The following IMPG1 variants were observed in gnomAD, a reference collection of about 807,000 sequenced individuals.
IMPG1 encodes interphotoreceptor matrix proteoglycan of 150 kDa.
In IMPG1, 85 loss-of-function variants were observed where a neutral mutation model predicts 92.0. The ratio of observed to expected loss-of-function variants is 0.92; its 90% CI spans 0.78 to 1.11. The LOEUF (loss-of-function observed/expected upper bound fraction) is 1.11, where lower values mean the gene tolerates loss of function less well. Ranked by LOEUF, IMPG1 falls within the 50% of genes least tolerant of loss-of-function variation. The pLI is 0.00. For synonymous variants in IMPG1, 367 were observed against 334.1 expected, an observed-to-expected ratio of 1.10 and a Z score of -1.08; for missense variants, 1,022 against 956.0, an observed-to-expected ratio of 1.07 and a Z score of -0.91.
intron 12 of IMPG1, among the ~76,000 whole-genome samples, chr6:75,966,772 A>C (rs746001039): frequency 9.2e-5 from 14 of 152,164 alleles, no homozygotes; most frequent in Non-Finnish European, 1.5e-4. Flanking sequence ...GAAGAAAGAC[A>C]AAAGAAAGCC....
intron 12 of IMPG1, among the ~76,000 whole-genome samples, chr6:75,971,391 C>T (rs1440604612): frequency 1.3e-5 from 2 of 151,662 alleles, no homozygotes; most frequent in African/African-American, 2.4e-5. Flanking sequence ...GTGGGTGCAG[C>T]GCACCAGCAT....
intron 14 of IMPG1, chr6:75,934,907 G>C (rs537437607): frequency 2.1e-4 from 100 of 468,814 alleles, no homozygotes; most frequent in African/African-American, 1.8e-3. Flanking sequence ...CTTTTGCGCT[G>C]TCCCATTTTA....
chr6:75,958,614 T>C (rs985023043), intron 12 of IMPG1, among the ~76,000 whole-genome samples: 4 of 151,420 alleles, frequency 2.6e-5, no homozygotes, highest in Non-Finnish European at 5.9e-5. Flanking sequence ...CTCTAATCTT[T>C]TATTCATTGA....
chr6:76,046,943 C>T (rs1352535667), intron 1 of IMPG1, among the ~76,000 whole-genome samples: 1 of 152,044 alleles, frequency 6.6e-6, no homozygotes, highest in South Asian at 2.1e-4. Flanking sequence ...AAAACCTGTA[C>T]CTACAAAAAT....
rs143644396 is a variant in IMPG1, at chr6:75,984,957, C to A, written c.1291+17961G>T. On this transcript the variant is annotated intron_variant, in intron 12 of 16. Transcript: ENST00000369950. Reference sequence around the variant, plus strand: ...CCAGAAGCCAAGCCAATGTTGGTGCCATGTTTGTACAGCCTGCAGAACGGC... The same window carrying A: ...CCAGAAGCCAAGCCAATGTTGGTGCAATGTTTGTACAGCCTGCAGAACGGC... Among the ~76,000 whole-genome samples, 861 of 152,248 alleles carry A rather than the reference C, an allele frequency of 5.7e-3. 9 individuals are homozygous for A. Among genetic ancestry groups the A allele is most frequent in the African/African-American group, 0.02 (813 of 41,532 alleles).
intron 12 of IMPG1, among the ~76,000 whole-genome samples, chr6:75,997,014 C>G (rs1009379533): frequency 2.6e-5 from 4 of 152,166 alleles, no homozygotes; most frequent in Non-Finnish European, 5.9e-5. Context: ...ATTTCCCAAA[C>G]TGAAATTCTG....
intron 12 of IMPG1, among the ~76,000 whole-genome samples, chr6:75,956,217 C>T (rs1485675988): frequency 6.6e-6 from 1 of 152,190 alleles, no homozygotes; most frequent in Non-Finnish European, 1.5e-5. Context: ...GTTGTGAATC[C>T]ATCCAGTCCT....
chr6:75,997,599 G>A (rs1452781828), intron 12 of IMPG1, among the ~76,000 whole-genome samples: 3 of 152,124 alleles, frequency 2.0e-5, no homozygotes, highest in African/African-American at 2.4e-5. Context: ...TGCCTTACAC[G>A]TGAGGCTGTC....
At chr6:75,926,241 A>G (rs1206842284) in intron 15 of IMPG1, among the ~76,000 whole-genome samples, 2 of 152,186 alleles carry the variant, frequency 1.3e-5, no homozygotes, top group African/African-American at 2.4e-5. Flanking sequence ...TGATTGCTCA[A>G]ATTATTAATC....
At chr6:75,958,669 C>T (rs930868238) in intron 12 of IMPG1, among the ~76,000 whole-genome samples, 5 of 151,910 alleles carry the variant, frequency 3.3e-5, no homozygotes, top group Non-Finnish European at 5.9e-5. Flanking sequence ...TTGACCGATT[C>T]GCCCATTAAT....
intron 1 of IMPG1, among the ~76,000 whole-genome samples, chr6:76,047,808 T>C (rs1783972070): frequency 6.6e-6 from 1 of 152,236 alleles, no homozygotes; most frequent in Non-Finnish European, 1.5e-5. Flanking sequence ...GCATCCATTA[T>C]TGCAACTCCT....
Position 75,931,081 on chromosome 6 carries a change from A to G in IMPG1, c.2115T>C (p.Thr705=), listed in dbSNP as rs1781661320. The change falls in exon 15 of 17, where the codon ACT becomes ACC. Residue 705 remains threonine (T), a synonymous_variant. Transcript: ENST00000369950. The part of the protein sequence containing the change: ...EFAQCVKNER[T]EEAECRCKPG... ...GTTTGCAGCGACACTCCGCTTCCTC[A>G]GTCCGTTCGTTCTTTACACATTGGG... is the stretch of plus-strand genomic sequence containing the variant. 6 of 1,614,076 alleles carry G rather than the reference A, an allele frequency of 3.7e-6. No homozygotes were observed. The Admixed American group carries it at 5.0e-5, about 13-fold the overall frequency.
At chr6:76,056,832 A>C (rs2127597026) in intron 1 of IMPG1, among the ~76,000 whole-genome samples, 1 of 152,254 alleles carries the variant, frequency 6.6e-6, no homozygotes, top group African/African-American at 2.4e-5. Context: ...AAAATTAACT[A>C]CTTGGGTCCT....
intron 12 of IMPG1, among the ~76,000 whole-genome samples, chr6:75,968,078 T>C (rs1291300326): frequency 2.0e-5 from 3 of 152,238 alleles, no homozygotes; most frequent in African/African-American, 7.2e-5. Flanking sequence ...GGAGTTGTTG[T>C]AGAAGCAATT....
At position 76,034,643 on chromosome 6, in the gene IMPG1, T is replaced by C; in HGVS notation, c.446A>G (p.Glu149Gly). 6.2e-7 allele frequency: 1 copy of C among 1,614,144 alleles called. No individual in the cohort carries two copies. The part of the protein sequence containing the change: ...DIGKNFSNSQ[E>G]HLDLLQQRIK... ...CACCTGCTGGAGAAGATCCAGGTGC[T>C]CCTGGGAATTGCTGAAGTTTTTTCC... is the stretch of plus-strand genomic sequence containing the variant. The change falls in exon 3 of 17, where the codon GAG (glutamate) becomes GGG (glycine). Residue 149 changes from glutamate (E) to glycine (G), a missense_variant. Glu to Gly is a moderately conservative substitution (Grantham distance 98, BLOSUM62 -2). Around this residue, in one of 3 missense-constraint regions of IMPG1, gnomAD observed 681 missense variants for 583.6 expected, o/e 1.17. Transcript: ENST00000369950.
At chr6:75,967,446 G>A (rs889051678) in intron 12 of IMPG1, among the ~76,000 whole-genome samples, 1 of 152,080 alleles carries the variant, frequency 6.6e-6, no homozygotes, top group African/African-American at 2.4e-5. Flanking sequence ...AAAGTAAAAA[G>A]GTGCCGTCTG....
At chr6:75,959,035 T>C (rs950182704) in intron 12 of IMPG1, among the ~76,000 whole-genome samples, 8 of 152,222 alleles carry the variant, frequency 5.3e-5, no homozygotes, top group African/African-American at 1.9e-4. Flanking sequence ...TGGTCTTCGA[T>C]GTTGGTGACA....
Position 76,018,723 on chromosome 6 carries a change from G to T in IMPG1, c.802C>A (p.Leu268Ile), listed in dbSNP as rs756720530. 26 of 1,613,112 alleles carry T rather than the reference G, an allele frequency of 1.6e-5. No individual in the cohort carries two copies. The highest frequency in any genetic ancestry group is 1.9e-5 in the Non-Finnish European group (22 of 1,179,588). Residue 268 changes from leucine to isoleucine, a missense_variant, in exon 7 of 17, where the codon CTT (leucine) becomes ATT (isoleucine). Leu to Ile is a conservative substitution (Grantham distance 5). Around this residue, in one of 3 missense-constraint regions of IMPG1, gnomAD observed 681 missense variants for 583.6 expected, o/e 1.17. Transcript: ENST00000369950. ...TATGGGCCGGGTCTACTCACCTGAAGTTGGGACTTTCCTGCTAGCTCCTGG... is the reference window on the plus strand; with the variant it reads ...TATGGGCCGGGTCTACTCACCTGAATTTGGGACTTTCCTGCTAGCTCCTGG... ...YYQELAGKSQ[L>I]QMQKIFKKLP...
At chr6:76,048,993 A>G (rs1274416833) in intron 1 of IMPG1, among the ~76,000 whole-genome samples, 1 of 152,240 alleles carries the variant, frequency 6.6e-6, no homozygotes, top group East Asian at 1.9e-4. Context: ...TGTGGTACTT[A>G]TATACCATGG....
Sources: allele counts gnomAD v4.1 joint callset (sites outside exome capture counted in the v4.1 genomes callset), GRCh38; gene constraint gnomAD v4.1.1; regional missense constraint gnomAD v4.1.1; transcripts MANE v1.5; gene names NCBI Gene and HGNC (gene_info 2026-07-23, HGNC 2026-07-21).